DMXL2: variants seen among roughly 807,000 people sequenced by gnomAD.
DMXL2 encodes the protein Dmx like 2.
In DMXL2, 103 loss-of-function variants were observed where a neutral mutation model predicts 331.1. The observed-to-expected ratio is 0.31, with a 90% CI of 0.27 to 0.37. The LOEUF (loss-of-function observed/expected upper bound fraction) is 0.37. Among genes scored for constraint, DMXL2 ranks in the 10% least tolerant of loss-of-function variants. The pLI, the probability that DMXL2 is intolerant of heterozygous loss-of-function variation, is 1.00. For synonymous variants in DMXL2, 1,281 were observed against 1,252.1 expected (o/e 1.02, Z -0.49); for missense variants, 3,171 against 3,642.9 (o/e 0.87, Z 3.33).
chr15:51,507,173 T>C lies in DMXL2; in HGVS notation c.2725A>G (p.Met909Val), dbSNP rs1567043761. 1 of 1,610,898 alleles carries C rather than the reference T, an allele frequency of 6.2e-7. No individual in the cohort carries two copies. ...ACAGATTTAAGATGAAGGTGCCACA[T>C]ATGCAGAATAGAGTTATTATTGCTG... is the stretch of plus-strand genomic sequence containing the variant. The part of the protein sequence containing the change: ...KDSNNNSILH[M>V]WHLHLKSVQA... Residue 909 changes from methionine (M) to valine (V), a missense_variant, in exon 16 of 44, where the codon ATG becomes GTG. Transcript: ENST00000560891.
At chr15:51,536,125 T>A (rs2048272703) in intron 12 of DMXL2, 41 bp downstream of exon 12, 2 of 1,465,690 alleles carry the variant, frequency 1.4e-6, no homozygotes, top group East Asian at 4.6e-5. Context: ...AATAATAGTT[T>A]AAAAGCTTGT....
intron 26 of DMXL2, 107 bp downstream of exon 26, chr15:51,478,164 T>C (rs1363283841): frequency 2.6e-6 from 2 of 765,026 alleles, no homozygotes; most frequent in Non-Finnish European, 4.1e-6. Flanking sequence ...ATCATGGCTG[T>C]CATATTTAGG....
rs969749377 is a variant in DMXL2 at position 51,499,287 on chromosome 15, C to T, written c.3937G>A (p.Glu1313Lys). ...SNMLARKSVV[E>K]GTAISDDVFC... ...ACATCATCAGAAATAGCTGTTCCTTCAACAACACTTTTTCTTGCCAGCATA... is the reference window on the plus strand; with the variant it reads ...ACATCATCAGAAATAGCTGTTCCTTTAACAACACTTTTTCTTGCCAGCATA... Residue 1313 changes from glutamate to lysine, a missense_variant, in exon 18 of 44, where the codon GAA becomes AAA. Around this residue, in one of 7 missense-constraint regions of DMXL2, gnomAD observed 1,674 missense variants for 1,780.2 expected, o/e 0.94. Transcript: ENST00000560891. 12 of 1,613,778 alleles carry T rather than the reference C, an allele frequency of 7.4e-6. No homozygotes were observed. The highest frequency in any genetic ancestry group is 1.6e-4 in the Middle Eastern group (1 of 6,084).
chr15:51,485,891 A>C (rs2042358983), intron 23 of DMXL2, among the ~76,000 whole-genome samples, 182 bp downstream of exon 23: 1 of 152,222 alleles, frequency 6.6e-6, no homozygotes, highest in Non-Finnish European at 1.5e-5. Flanking sequence ...TTAAATATAT[A>C]CGTAATTAGA....
At chr15:51,466,093 G>T in intron 30 of DMXL2, 91 bp downstream of exon 30, 6 of 1,053,946 alleles carry the variant, frequency 5.7e-6, no homozygotes, top group Non-Finnish European at 8.0e-6. Flanking sequence ...ATAAATTCAG[G>T]ATAATAATGT....
At chr15:51,572,286 A>G (rs7172983) in intron 2 of DMXL2, among the ~76,000 whole-genome samples, 27,574 of 96,006 alleles carry the variant, frequency 0.29, 5,864 homozygotes, top group Non-Finnish European at 0.36. Flanking sequence ...AATTGAGGCA[A>G]TAATTAATAG....
intron 27 of DMXL2, among the ~76,000 whole-genome samples, chr15:51,475,266 T>C (rs2041473611): frequency 6.6e-6 from 1 of 152,036 alleles, no homozygotes; most frequent in Non-Finnish European, 1.5e-5. Context: ...CCAAGACAGG[T>C]GGATCACCTG....
At chr15:51,522,847 C>T (rs554574118) in intron 13 of DMXL2, among the ~76,000 whole-genome samples, 2 of 152,288 alleles carry the variant, frequency 1.3e-5, no homozygotes, top group African/African-American at 4.8e-5. Context: ...CTAAGCTCTG[C>T]TCTTCTCCTT....
intron 1 of DMXL2, among the ~76,000 whole-genome samples, chr15:51,586,273 C>G (rs1248730642): frequency 6.6e-6 from 1 of 151,984 alleles, no homozygotes; most frequent in Non-Finnish European, 1.5e-5. Context: ...CAACTCATAT[C>G]AGAAAATGCA....
intron 16 of DMXL2, among the ~76,000 whole-genome samples, chr15:51,505,923 T>C (rs1458869541): frequency 3.3e-5 from 5 of 152,220 alleles, no homozygotes; most frequent in East Asian, 1.9e-4. Context: ...TTAACAATTA[T>C]CTCTCAAAAA....
intron 18 of DMXL2, among the ~76,000 whole-genome samples, chr15:51,497,744 A>AAAT (rs2043283334): frequency 6.6e-6 from 1 of 152,202 alleles, no homozygotes; most frequent in East Asian, 1.9e-4. Context: ...TATGACATTA[A>AAAT]CTGTATGGAA....
intron 1 of DMXL2, among the ~76,000 whole-genome samples, chr15:51,587,051 A>G (rs2051890873): frequency 1.3e-5 from 2 of 152,096 alleles, no homozygotes; most frequent in African/African-American, 4.8e-5. Flanking sequence ...AAAAACCTAC[A>G]GTCACCTTTT....
chr15:51,486,071 A>G lies in DMXL2; in HGVS notation c.5482+2T>C. The G allele has an allele frequency of 6.3e-7, 1 of 1,590,264 alleles. No individual in the cohort carries two copies. The highest frequency in any genetic ancestry group is 8.6e-7 in the Non-Finnish European group (1 of 1,164,268). On this transcript the variant is annotated splice_donor_variant, in intron 23 of 43. Transcript: ENST00000560891. LOFTEE classifies it high-confidence loss of function. ...AAAAAAGAAATCCACAAAACGTCCT[A>G]CCTTGATGTTCATCATCCTCCTTTG...
Position 51,486,341 on chromosome 15 carries a change from CA to C in DMXL2, c.5218-5del. ...CTTCCATTTTTTCAAGACATACCTG[CA>C]AATTTAAATATTAATACTTATCTTA... On this transcript the variant is annotated splice_region_variant and splice_polypyrimidine_tract_variant and intron_variant, in intron 22 of 43. Transcript: ENST00000560891. The C allele has an allele frequency of 6.4e-7, 1 of 1,564,638 alleles. No homozygotes were observed. The highest frequency in any genetic ancestry group is 2.3e-5 in the East Asian group (1 of 44,218).
intron 1 of DMXL2, among the ~76,000 whole-genome samples, chr15:51,598,050 T>A (rs1202726196): frequency 6.6e-6 from 1 of 152,216 alleles, no homozygotes. Context: ...TTGCAATTCT[T>A]TTCTCCAACT....
chr15:51,515,773 T>C (rs991088588), intron 14 of DMXL2, among the ~76,000 whole-genome samples: 3 of 152,196 alleles, frequency 2.0e-5, no homozygotes, highest in African/African-American at 7.2e-5. Context: ...ACTGTGTTAA[T>C]ATCCCATGGT....
At position 51,448,882 on chromosome 15, in the gene DMXL2, G is replaced by C; in HGVS notation, c.*102C>G. Reference sequence around the variant, plus strand: ...GGGTCATATTCAAATTCTACACAGAGATTCTCTGTTTTCAATACAACTGCT... The same window carrying C: ...GGGTCATATTCAAATTCTACACAGACATTCTCTGTTTTCAATACAACTGCT... On this transcript the variant is annotated 3_prime_UTR_variant, in exon 44 of 44. Transcript: ENST00000560891. The C allele has an allele frequency of 8.4e-7, 1 of 1,186,598 alleles. No individual in the cohort carries two copies. Among genetic ancestry groups the C allele is most frequent in the Non-Finnish European group, 1.2e-6 (1 of 833,642 alleles). 73.5% of individuals were successfully genotyped at this position (1,186,598 alleles called of 1,614,324 possible). A position where few individuals can be genotyped will look rare whatever the true frequency, so the allele number is the denominator to read the frequency against.
At chr15:51,470,674 G>T (rs186273030) in intron 29 of DMXL2, among the ~76,000 whole-genome samples, 1 of 152,264 alleles carries the variant, frequency 6.6e-6, no homozygotes, top group East Asian at 1.9e-4. Flanking sequence ...GGAGAATCAT[G>T]AGCTCAAAAG....
chr15:51,448,945 C>G lies in DMXL2; in HGVS notation c.*39G>C, dbSNP rs1373766486. 2 of 1,591,402 alleles carry G rather than the reference C, an allele frequency of 1.3e-6. No individual in the cohort carries two copies. The highest frequency in any genetic ancestry group is 1.7e-4 in the Middle Eastern group (1 of 6,040). ...TTGCCTAGTGATGACTGTAGTGTGC[C>G]TTTTAACTGAAATGTATATAAAAAT... is the stretch of plus-strand genomic sequence containing the variant. On this transcript the variant is annotated 3_prime_UTR_variant, in exon 44 of 44. Coordinates refer to ENST00000560891, the MANE Select transcript of DMXL2 (RefSeq NM_001378457.1).
Sources: gnomAD v4.1 joint callset for allele counts (sites outside exome capture counted in the v4.1 genomes callset) on GRCh38, gnomAD v4.1.1 for gene constraint, gnomAD v4.1.1 regional missense constraint, MANE v1.5 for transcripts, NCBI Gene and HGNC (gene_info 2026-07-23, HGNC 2026-07-21) for gene names.